Variants in CFAP54 observed in about 807,000 individuals in gnomAD.
CFAP54 encodes cilia- and flagella-associated protein 54.
A neutral mutation model predicts 370.4 loss-of-function variants in CFAP54; 290 were observed. The ratio of observed to expected loss-of-function variants is 0.78; its 90% CI spans 0.71 to 0.86. The LOEUF (loss-of-function observed/expected upper bound fraction) is 0.86. Ranked by LOEUF, CFAP54 falls within the 40% of genes least tolerant of loss-of-function variation. The probability of loss-of-function intolerance (pLI) is 0.00; values close to 1 mark genes in which losing one functional copy is unlikely to be tolerated. For synonymous variants in CFAP54, 1,206 were observed against 1,236.5 expected (o/e 0.98, Z 0.52); for missense variants, 3,399 against 3,528.7 (o/e 0.96, Z 0.93).
At chr12:96,646,996 A>G (rs1038582746) in intron 33 of CFAP54, 2 of 152,152 alleles carry the variant, frequency 1.3e-5, no homozygotes, top group Non-Finnish European at 2.9e-5. Context: ...AGATATACCT[A>G]ATGTTAAATG....
intron 50 of CFAP54, among the ~76,000 whole-genome samples, chr12:96,739,567 C>T (rs1348530205): frequency 6.6e-6 from 1 of 152,136 alleles, no homozygotes; most frequent in Non-Finnish European, 1.5e-5. Flanking sequence ...ACATAAAGTA[C>T]ATATATACTC....
chr12:96,777,367 A>T (rs1348423845), intron 60 of CFAP54, among the ~76,000 whole-genome samples: 1 of 146,492 alleles, frequency 6.8e-6, no homozygotes, highest in African/African-American at 2.5e-5. Flanking sequence ...TTTTTTTGAG[A>T]TGGAGTTTTG....
chr12:96,558,055 G>A (rs1367874814), intron 17 of CFAP54, among the ~76,000 whole-genome samples: 2 of 152,058 alleles, frequency 1.3e-5, no homozygotes, highest in East Asian at 3.9e-4. Context: ...GAGGTGGCAG[G>A]GAGATGGCGT....
At chr12:96,825,671 T>G (rs1399471365) in intron 65 of CFAP54, among the ~76,000 whole-genome samples, 2 of 122,230 alleles carry the variant, frequency 1.6e-5, no homozygotes, top group African/African-American at 6.6e-5. Flanking sequence ...TGCTATAATA[T>G]ATTATATATA....
intron 17 of CFAP54, among the ~76,000 whole-genome samples, chr12:96,563,900 T>C (rs1313665270): frequency 6.6e-6 from 1 of 152,216 alleles, no homozygotes; most frequent in Non-Finnish European, 1.5e-5. Context: ...TCCACATTCC[T>C]GTCTTTACTG....
intron 15 of CFAP54, among the ~76,000 whole-genome samples, chr12:96,553,448 AGAG>A (rs772717743): frequency 3.3e-5 from 5 of 149,932 alleles, no homozygotes; most frequent in Admixed American, 1.3e-4. Context: ...GGGGCAGAGA[AGAG>A]GAGTGGCACT....
Position 96,720,448 on chromosome 12 carries a change from T to C in CFAP54, c.6848T>C (p.Leu2283Pro), listed in dbSNP as rs1469929446. 1 of 1,591,654 alleles carries C rather than the reference T, an allele frequency of 6.3e-7. No homozygotes were observed. Among genetic ancestry groups the C allele is most frequent in the Admixed American group, 1.7e-5 (1 of 57,376 alleles). The change falls in exon 50 of 68, where the codon CTG (leucine) becomes CCG (proline). Residue 2283 changes from leucine to proline, a missense_variant. Leu to Pro is a moderately conservative substitution (Grantham distance 98). Transcript: ENST00000524981. ...MEAEDRLNFLLSEVEQKTLSQ... is the reference protein window; with the variant it reads ...MEAEDRLNFLPSEVEQKTLSQ... ...GCTGAGGACAGGCTAAACTTCCTTC[T>C]GTCCGAGGTGGAACAGAAGACCCTG...
chr12:96,805,373 C>G (rs1022808375), intron 63 of CFAP54, among the ~76,000 whole-genome samples: 4 of 146,950 alleles, frequency 2.7e-5, no homozygotes, highest in African/African-American at 2.5e-5. Context: ...CTACAAGGAA[C>G]TCAAGCAGCT....
At chr12:96,561,233 C>T (rs12582251) in intron 17 of CFAP54, among the ~76,000 whole-genome samples, 15,214 of 152,136 alleles carry the variant, frequency 0.1, 1,244 homozygotes, top group East Asian at 0.45. Flanking sequence ...AAGTCTTTCC[C>T]ATGCCGTTCT....
intron 46 of CFAP54, among the ~76,000 whole-genome samples, chr12:96,703,907 T>C (rs989326162): frequency 3.3e-5 from 5 of 152,122 alleles, no homozygotes; most frequent in African/African-American, 1.2e-4. Flanking sequence ...TAATCAGAAA[T>C]ATAAACAAAA....
chr12:96,575,534 G>A (rs565203076), intron 19 of CFAP54, among the ~76,000 whole-genome samples: 2 of 152,154 alleles, frequency 1.3e-5, no homozygotes, highest in African/African-American at 4.8e-5. Flanking sequence ...AGAGGAGGAG[G>A]AGTAGTAATC....
intron 28 of CFAP54, among the ~76,000 whole-genome samples, chr12:96,625,275 A>C (rs974919446): frequency 6.6e-6 from 1 of 152,216 alleles, no homozygotes. Context: ...ATAACTTTCC[A>C]AGGTTTCATA....
At chr12:96,729,503 T>C (rs1957889714) in intron 50 of CFAP54, among the ~76,000 whole-genome samples, 3 of 152,210 alleles carry the variant, frequency 2.0e-5, no homozygotes, top group Non-Finnish European at 4.4e-5. Flanking sequence ...GTGCGGGATA[T>C]AATTCTCCTG....
At chr12:96,650,134 G>A (rs537380771) in intron 35 of CFAP54, 62 bp downstream of exon 35, 267 of 1,343,172 alleles carry the variant, frequency 2.0e-4, no homozygotes, top group Non-Finnish European at 2.5e-4. Context: ...CAACTTGGGC[G>A]TTTAAGATAC....
intron 5 of CFAP54, among the ~76,000 whole-genome samples, chr12:96,515,455 A>G (rs1447261203): frequency 6.6e-6 from 1 of 152,130 alleles, no homozygotes; most frequent in Non-Finnish European, 1.5e-5. Context: ...GGAAATTAAT[A>G]ATTTTCACCA....
At chr12:96,581,842 T>C (rs1007882521) in intron 22 of CFAP54, among the ~76,000 whole-genome samples, 1 of 152,156 alleles carries the variant, frequency 6.6e-6, no homozygotes, top group African/African-American at 2.4e-5. Flanking sequence ...TTTTAATGGT[T>C]CCATGGCATT....
intron 14 of CFAP54, among the ~76,000 whole-genome samples, chr12:96,545,469 TA>T (rs952885443): frequency 9.2e-5 from 14 of 152,088 alleles, no homozygotes; most frequent in African/African-American, 3.4e-4. Flanking sequence ...GAGTGTAAGA[TA>T]TTTTTTAAAA....
intron 14 of CFAP54, among the ~76,000 whole-genome samples, chr12:96,545,115 G>A (rs1486113465): frequency 1.3e-5 from 2 of 152,028 alleles, no homozygotes; most frequent in African/African-American, 2.4e-5. Context: ...GTTTCACCAT[G>A]TTGGCCAGGC....
chr12:96,532,357 G>T (rs572635937), intron 9 of CFAP54, among the ~76,000 whole-genome samples: 43 of 152,208 alleles, frequency 2.8e-4, no homozygotes, highest in Non-Finnish European at 5.6e-4. Flanking sequence ...GTGTGTGGGT[G>T]TGGGCACATG....
Sources: gnomAD v4.1 joint callset for allele counts (sites outside exome capture counted in the v4.1 genomes callset) on GRCh38, gnomAD v4.1.1 for gene constraint, MANE v1.5 for transcripts, NCBI Gene and HGNC (gene_info 2026-07-23, HGNC 2026-07-21) for gene names.